Variants in EIF3D observed in about 807,000 individuals in gnomAD.
EIF3D encodes eIF3 p66.
EIF3D carries 10 observed loss-of-function variants against 75.4 expected under a neutral mutation model. The observed-to-expected ratio is 0.13, with a 90% CI of 0.08 to 0.22. The LOEUF is 0.22. EIF3D is among the 10% of genes least tolerant of loss of function. The pLI is 1.00. For missense variants in EIF3D, 394 were observed against 708.0 expected (o/e 0.56, Z 5.03); for synonymous variants, 246 against 248.3 (o/e 0.99, Z 0.09).
intron 12 of EIF3D, among the ~76,000 whole-genome samples, chr22:36,514,138 G>A (rs906651453): frequency 3.3e-5 from 5 of 152,216 alleles, no homozygotes; most frequent in African/African-American, 1.2e-4. Flanking sequence ...TCAGAGCTTA[G>A]GTGGAAGAAA....
intron 1 of EIF3D, chr22:36,527,036 AT>A (rs1934615910): frequency 6.6e-6 from 1 of 152,176 alleles, no homozygotes; most frequent in African/African-American, 2.4e-5. Flanking sequence ...CTGAAATTCA[AT>A]TTTCCTTTCT....
chr22:36,516,460 A>T lies in EIF3D; in HGVS notation c.1206+18T>A. On this transcript the variant is annotated intron_variant, in intron 12 of 14. Transcript: ENST00000216190. ...GAGACATGGTGTCACCAGGAGGGTG[A>T]TGGAGATGGCGGCTCACCCTGGAAT... The T allele has an allele frequency of 6.2e-7, 1 of 1,611,916 alleles. No individual in the cohort carries two copies. Among genetic ancestry groups the T allele is most frequent in the Non-Finnish European group, 8.5e-7 (1 of 1,178,336 alleles).
chr22:36,525,791 G>A (rs746426212), intron 2 of EIF3D, 82 bp from the exon 3 acceptor site: 302 of 1,553,310 alleles, frequency 1.9e-4, no homozygotes, highest in Non-Finnish European at 2.5e-4. Flanking sequence ...GAGCGCGAGA[G>A]GACAGCGTGG....
chr22:36,512,735 T>A, intron 12 of EIF3D, 133 bp from the exon 13 acceptor site: 1 of 1,021,962 alleles, frequency 9.8e-7, no homozygotes, highest in South Asian at 1.7e-5. Flanking sequence ...AATCTTACCA[T>A]TTAAGAGACA....
At chr22:36,517,263 A>G (rs1238899078) in intron 10 of EIF3D, 38 bp downstream of exon 10, 3 of 1,613,190 alleles carry the variant, frequency 1.9e-6, no homozygotes, top group Non-Finnish European at 2.5e-6. Flanking sequence ...AGCTGATTAA[A>G]TAAGAATGAA....
intron 12 of EIF3D, among the ~76,000 whole-genome samples, chr22:36,515,501 C>G (rs1031253886): frequency 4.6e-5 from 7 of 152,090 alleles, no homozygotes; most frequent in African/African-American, 1.7e-4. Flanking sequence ...GCACTCCAGC[C>G]TGGGCAACAA....
intron 14 of EIF3D, 122 bp downstream of exon 14, chr22:36,511,381 A>C (rs1044637414): frequency 2.0e-6 from 3 of 1,519,390 alleles, no homozygotes; most frequent in Non-Finnish European, 1.8e-6. Context: ...ATGCTTCTTC[A>C]TACTTAAGTC....
intron 6 of EIF3D, 59 bp downstream of exon 6, chr22:36,523,148 TAA>T: frequency 7.3e-7 from 1 of 1,368,378 alleles, no homozygotes; most frequent in Middle Eastern, 1.8e-4. Flanking sequence ...AAGCTATTAA[TAA>T]AGACAACCAA....
rs771058122 is a variant in EIF3D, at chr22:36,523,133, C to G, written c.465+76G>C. On this transcript the variant is annotated intron_variant, in intron 6 of 14. Transcript: ENST00000216190. ...ATTGTACGGTATGTGAAGTATATCT[C>G]ATCTAAGCTATTAATAAAGACAACC... The G allele has an allele frequency of 5.2e-6, 6 of 1,162,196 alleles. No homozygotes were observed. The African/African-American group carries it at 7.6e-5, about 15-fold the overall frequency. 72.0% of individuals were successfully genotyped at this position (1,162,196 alleles called of 1,614,324 possible).
At chr22:36,516,191 A>T (rs1383969120) in intron 12 of EIF3D, 1 of 300,354 alleles carries the variant, frequency 3.3e-6, no homozygotes, top group African/African-American at 2.2e-5. Context: ...CCACAATGGA[A>T]CAGAGATGAA....
At position 36,519,550 on chromosome 22, in the gene EIF3D, C is replaced by G; in HGVS notation, c.579-13G>C. The stretch of plus-strand genomic sequence containing the variant: ...CCCACAACACTCACTGTGGGAAGAG[C>G]AGGCAAAGACATGCAAAGTAAGAGA... On this transcript the variant is annotated splice_polypyrimidine_tract_variant and intron_variant, in intron 7 of 14. Coordinates refer to ENST00000216190, the MANE Select transcript of EIF3D (RefSeq NM_003753.4). 6.2e-7 allele frequency: 1 copy of G among 1,613,954 alleles called. No homozygotes were observed. The highest frequency in any genetic ancestry group is 8.5e-7 in the Non-Finnish European group (1 of 1,179,900).
In EIF3D at chr22:36,526,101, G is replaced by C. The variant is rs776873893; in HGVS notation, c.21C>G (p.Pro7=). ...AGCCTGAGGGGTTGTCCTGGATCAC[G>C]GGTGTCATGAACTTTGCCATCTTCC... is the stretch of plus-strand genomic sequence containing the variant. MAKFMT[P]VIQDNPSGWG... Residue 7 remains proline, a synonymous_variant, in exon 2 of 15, where the codon CCC becomes CCG. Transcript: ENST00000216190. The C allele has an allele frequency of 1.2e-6, 2 of 1,609,536 alleles. No homozygotes were observed. The highest frequency in any genetic ancestry group is 1.7e-6 in the Non-Finnish European group (2 of 1,177,904).
Position 36,523,300 on chromosome 22 carries a change from G to T in EIF3D, c.393-19C>A. ...GCGTTCTCTGGAAAGACAGACATATGATCTCAGTGCAGACCTTTAAACCAG... is the reference window on the plus strand; with the variant it reads ...GCGTTCTCTGGAAAGACAGACATATTATCTCAGTGCAGACCTTTAAACCAG... On this transcript the variant is annotated intron_variant, in intron 5 of 14. Transcript: ENST00000216190. 6.2e-7 allele frequency: 1 copy of T among 1,606,340 alleles called. No individual in the cohort carries two copies. The highest frequency in any genetic ancestry group is 1.1e-5 in the South Asian group (1 of 90,500).
In EIF3D at chr22:36,525,993, A is replaced by G. The variant is rs1195701537; in HGVS notation, c.123+6T>C. 5 of 1,608,352 alleles carry G rather than the reference A, an allele frequency of 3.1e-6. No homozygotes were observed. The South Asian group carries it at 4.4e-5, about 14-fold the overall frequency. On this transcript the variant is annotated splice_donor_region_variant and intron_variant, in intron 2 of 14. Transcript: ENST00000216190. ...AAGATTCAGACTCCTGCTGACAGGC[A>G]TGTACCTTTCCTAGCCGATCTCCTT...
In EIF3D at chr22:36,511,720, C is replaced by T. The variant is rs1281662095; in HGVS notation, c.1416G>A (p.Lys472=). Residue 472 remains lysine (K), a synonymous_variant, in exon 14 of 15, where the codon AAG becomes AAA. Transcript: ENST00000216190. ...TGATCTGGCTGGCAAACTCATTAGG[C>T]TTGAACTGCTGGGTGCCTAGGATGA... ...RHVILGTQQF[K]PNEFASQINL... 3.1e-6 allele frequency: 5 copies of T among 1,613,994 alleles called. No individual in the cohort carries two copies. In the African/African-American group the frequency reaches 6.7e-5, roughly 22 times the overall value.
At chr22:36,523,330 T>C (rs767042707) in intron 5 of EIF3D, 49 bp from the exon 6 acceptor site, 3 of 1,469,946 alleles carry the variant, frequency 2.0e-6, no homozygotes, top group Non-Finnish European at 2.8e-6. Context: ...AACCAGTGGC[T>C]TCTTCAAAAG....
chr22:36,519,335 T>C, intron 8 of EIF3D, 70 bp downstream of exon 8: 1 of 1,597,208 alleles, frequency 6.3e-7, no homozygotes. Flanking sequence ...TTCTGTTCTT[T>C]CTGCAGCTTC....
intron 3 of EIF3D, 77 bp from the exon 4 acceptor site, chr22:36,524,809 A>G: frequency 1.3e-6 from 2 of 1,592,526 alleles, no homozygotes; most frequent in Non-Finnish European, 1.7e-6. Flanking sequence ...AAGCCTTGCT[A>G]TTTCAAGTGT....
chr22:36,517,039 A>C (rs1934438310), intron 10 of EIF3D: 9 of 611,538 alleles, frequency 1.5e-5, no homozygotes, highest in Non-Finnish European at 2.3e-5. Context: ...GCATATATTC[A>C]CCATTTGATG....
Sources: gnomAD v4.1 joint callset for allele counts (sites outside exome capture counted in the v4.1 genomes callset) on GRCh38, gnomAD v4.1.1 for gene constraint, MANE v1.5 for transcripts, NCBI Gene and HGNC (gene_info 2026-07-23, HGNC 2026-07-21) for gene names.